The following CFAP20DC variants were observed in gnomAD, a reference collection of about 807,000 sequenced individuals.
The protein encoded by CFAP20DC is protein CFAP20DC.
Under a neutral mutation model 101.7 loss-of-function variants are expected in CFAP20DC, and 84 were observed. The ratio of observed to expected loss-of-function variants is 0.83; its 90% CI spans 0.69 to 0.99. The LOEUF (loss-of-function observed/expected upper bound fraction) is 0.99, where lower values mean the gene tolerates loss of function less well. Ranked by LOEUF, CFAP20DC falls within the 50% of genes least tolerant of loss-of-function variation. CFAP20DC has a pLI of 0.00. For missense variants in CFAP20DC, 1,007 were observed against 970.3 expected (o/e 1.04, Z -0.50); for synonymous variants, 359 against 351.2 (o/e 1.02, Z -0.25).
At chr3:58,951,777 G>T (rs1374516505) in intron 4 of CFAP20DC, among the ~76,000 whole-genome samples, 2 of 152,004 alleles carry the variant, frequency 1.3e-5, no homozygotes, top group African/African-American at 4.8e-5. Context: ...GGAGAGGGGA[G>T]GGATAACATT....
At position 58,997,956 on chromosome 3, in the gene CFAP20DC, T is replaced by G. The variant is rs760397523; in HGVS notation, c.278+41601A>C. Among the ~76,000 whole-genome samples, 73 of 152,266 alleles carry G rather than the reference T, an allele frequency of 4.8e-4. No homozygotes were observed. In the Middle Eastern group the frequency reaches 0.01, roughly 21 times the overall value. On this transcript the variant is annotated intron_variant, in intron 4 of 16. Transcript: ENST00000482387. ...GGCAAGGTCAAGACAGTACGTAAAT[T>G]TATCCTACTCTCCAAAAGTGGGATT...
intron 4 of CFAP20DC, among the ~76,000 whole-genome samples, chr3:58,957,342 T>C (rs553550985): frequency 1.3e-5 from 2 of 152,128 alleles, no homozygotes; most frequent in African/African-American, 2.4e-5. Context: ...ATCCAAAAGA[T>C]AGGCAATAAC....
At chr3:59,013,841 T>C (rs1343167616) in intron 4 of CFAP20DC, among the ~76,000 whole-genome samples, 1 of 152,176 alleles carries the variant, frequency 6.6e-6, no homozygotes, top group Non-Finnish European at 1.5e-5. Flanking sequence ...CTTCCTACTG[T>C]TTGAATATAA....
At chr3:58,930,874 T>G (rs1287771661) in intron 5 of CFAP20DC, among the ~76,000 whole-genome samples, 1 of 152,130 alleles carries the variant, frequency 6.6e-6, no homozygotes, top group South Asian at 2.1e-4. Context: ...CATTTCCACC[T>G]GAGGTACCGG....
intron 4 of CFAP20DC, among the ~76,000 whole-genome samples, chr3:59,038,187 G>A (rs560446972): frequency 2.0e-5 from 3 of 152,162 alleles, no homozygotes; most frequent in South Asian, 2.1e-4. Flanking sequence ...TGTAGATGAC[G>A]GGTTGATGGG....
intron 4 of CFAP20DC, among the ~76,000 whole-genome samples, chr3:59,011,395 C>T (rs1431778413): frequency 7.6e-6 from 1 of 132,372 alleles, no homozygotes; most frequent in African/African-American, 3.1e-5. Context: ...AAGGCTCCAT[C>T]TCAAAAAAAA....
intron 6 of CFAP20DC, among the ~76,000 whole-genome samples, chr3:58,888,833 T>C (rs2081895513): frequency 6.6e-6 from 1 of 152,178 alleles, no homozygotes. Flanking sequence ...ATATACCTAG[T>C]AATGGGATTG....
intron 4 of CFAP20DC, among the ~76,000 whole-genome samples, chr3:58,986,226 A>C (rs2092746053): frequency 6.6e-6 from 1 of 152,346 alleles, no homozygotes; most frequent in Non-Finnish European, 1.5e-5. Flanking sequence ...AATAAAAGCC[A>C]GGGCCAGTCA....
At chr3:58,949,221 T>G (rs533352766) in intron 4 of CFAP20DC, among the ~76,000 whole-genome samples, 1 of 152,284 alleles carries the variant, frequency 6.6e-6, no homozygotes, top group African/African-American at 2.4e-5. Context: ...TTTGTTGATC[T>G]TTTCAAAAAA....
chr3:58,854,194 G>C (rs1456032109), intron 12 of CFAP20DC, among the ~76,000 whole-genome samples: 8 of 151,696 alleles, frequency 5.3e-5, no homozygotes, highest in Non-Finnish European at 1.2e-4. Context: ...ACCAACAACA[G>C]ACAAACAGAG....
At chr3:58,974,172 G>A (rs1322465383) in intron 4 of CFAP20DC, among the ~76,000 whole-genome samples, 2 of 152,116 alleles carry the variant, frequency 1.3e-5, no homozygotes, top group African/African-American at 4.8e-5. Flanking sequence ...GCGTGTCACT[G>A]AAGTTTGGTG....
At chr3:58,760,818 T>C (rs2069496676) in intron 15 of CFAP20DC, among the ~76,000 whole-genome samples, 1 of 152,224 alleles carries the variant, frequency 6.6e-6, no homozygotes, top group African/African-American at 2.4e-5. Context: ...ATTGGTTCTG[T>C]TTACATGCTG....
intron 4 of CFAP20DC, among the ~76,000 whole-genome samples, chr3:59,021,857 AG>A (rs1456898617): frequency 1.3e-5 from 2 of 152,106 alleles, no homozygotes; most frequent in Non-Finnish European, 2.9e-5. Context: ...ACCTCCCACG[AG>A]GGCTGGACCA....
chr3:58,869,782 T>C lies in CFAP20DC; in HGVS notation c.853-292A>G, dbSNP rs79588349. Among the ~76,000 whole-genome samples the C allele has an allele frequency of 1.8e-3, 274 of 152,296 alleles. 3 individuals are homozygous for C. The East Asian group carries it at 0.045, about 25-fold the overall frequency. On this transcript the variant is annotated intron_variant, in intron 8 of 16. Transcript: ENST00000482387. The surrounding 1 kb of genome is among the most constrained non-coding windows in gnomAD (Gnocchi z 4.3). ...GAAGCCGAATTAAAAATCACGCGTA[T>C]GTCAGAAATTCGGAGGAAATTAAAA...
At chr3:58,792,987 T>C (rs992417669) in intron 15 of CFAP20DC, among the ~76,000 whole-genome samples, 3 of 152,136 alleles carry the variant, frequency 2.0e-5, no homozygotes. Context: ...ACTGCTGTGG[T>C]ATTTTATAAT....
chr3:58,842,272 G>A (rs924696565), intron 13 of CFAP20DC, among the ~76,000 whole-genome samples: 1 of 152,174 alleles, frequency 6.6e-6, no homozygotes, highest in African/African-American at 2.4e-5. Context: ...TCTCACTAGG[G>A]AGTGCCAGAC....
At chr3:58,952,468 T>A (rs2108066511) in intron 4 of CFAP20DC, among the ~76,000 whole-genome samples, 1 of 152,302 alleles carries the variant, frequency 6.6e-6, no homozygotes, top group Admixed American at 6.5e-5. Flanking sequence ...ATTGCAGTGC[T>A]TGTATTCAAG....
chr3:58,774,313 G>T (rs57282955), intron 15 of CFAP20DC, among the ~76,000 whole-genome samples: 11,267 of 152,222 alleles, frequency 0.074, 696 homozygotes, highest in East Asian at 0.35. Flanking sequence ...CCACTAGCTA[G>T]AGCTACAAAT....
chr3:58,958,819 TTAATTG>T (rs2090883219), intron 4 of CFAP20DC, among the ~76,000 whole-genome samples: 1 of 152,206 alleles, frequency 6.6e-6, no homozygotes, highest in South Asian at 2.1e-4. Context: ...TTTCATATTA[TTAATTG>T]TAATTGTAAA....
Sources: gnomAD v4.1 joint callset for allele counts (sites outside exome capture counted in the v4.1 genomes callset) on GRCh38, gnomAD v4.1.1 for gene constraint, Gnocchi (gnomAD v3.1) non-coding constraint, MANE v1.5 for transcripts, NCBI Gene and HGNC (gene_info 2026-07-23, HGNC 2026-07-21) for gene names.